Variants in PLXNC1 observed in about 807,000 individuals in gnomAD.
PLXNC1 encodes the protein plexin C1.
Under a neutral mutation model 178.2 loss-of-function variants are expected in PLXNC1, and 75 were observed. The ratio of observed to expected loss-of-function variants is 0.42; its 90% CI spans 0.35 to 0.51. The LOEUF (loss-of-function observed/expected upper bound fraction) is 0.51. Among genes scored for constraint, PLXNC1 ranks in the 20% least tolerant of loss-of-function variants. The pLI, the probability that PLXNC1 is intolerant of heterozygous loss-of-function variation, is 0.02. For synonymous variants in PLXNC1, 790 were observed against 779.9 expected (o/e 1.01, Z -0.22); for missense variants, 1,503 against 1,984.4 (o/e 0.76, Z 4.61).
At chr12:94,157,850 G>GT (rs1325532136) in intron 1 of PLXNC1, among the ~76,000 whole-genome samples, 2 of 152,174 alleles carry the variant, frequency 1.3e-5, no homozygotes, top group African/African-American at 4.8e-5. Flanking sequence ...ACACAGCCAT[G>GT]GACAATACAT....
chr12:94,187,934 G>C (rs1030847125), intron 4 of PLXNC1, among the ~76,000 whole-genome samples: 2 of 152,026 alleles, frequency 1.3e-5, no homozygotes, highest in East Asian at 3.9e-4. Context: ...GGGCCTTGAG[G>C]GGCTGTGGTG....
chr12:94,155,573 G>A (rs1961136713), intron 1 of PLXNC1, among the ~76,000 whole-genome samples: 1 of 152,128 alleles, frequency 6.6e-6, no homozygotes, highest in Non-Finnish European at 1.5e-5. Context: ...TTTACCACCT[G>A]ATATTCCTTA....
Position 94,306,950 on chromosome 12 carries a change from A to G in PLXNC1, c.*1665A>G, listed in dbSNP as rs1323740447. The G allele has an allele frequency of 6.6e-6, 1 of 152,204 alleles. No homozygotes were observed. Among genetic ancestry groups the G allele is most frequent in the Admixed American group, 6.6e-5 (1 of 15,266 alleles). The allele number at this position is 152,204 out of a possible 1,614,324, so 9.4% of individuals were successfully genotyped here. A position where few individuals can be genotyped will look rare whatever the true frequency, so the allele number is the denominator to read the frequency against. On this transcript the variant is annotated 3_prime_UTR_variant, in exon 31 of 31. Transcript: ENST00000258526. ...AAGGTGAGAGGTCTGGTCCCCATTG[A>G]AGGCTGCTACAGTCTTCAAAGAGGT...
intron 5 of PLXNC1, among the ~76,000 whole-genome samples, chr12:94,215,008 T>C (rs755337281): frequency 4.6e-5 from 7 of 152,122 alleles, no homozygotes; most frequent in Non-Finnish European, 5.9e-5. Flanking sequence ...GCGATTCTCC[T>C]GCCTCAGCCT....
At chr12:94,174,514 A>C (rs971151021) in intron 2 of PLXNC1, among the ~76,000 whole-genome samples, 1 of 152,200 alleles carries the variant, frequency 6.6e-6, no homozygotes, top group African/African-American at 2.4e-5. Flanking sequence ...TCACAGCAAA[A>C]TTAAACCGGT....
intron 12 of PLXNC1, among the ~76,000 whole-genome samples, chr12:94,246,566 AAG>A (rs1157507228): frequency 6.6e-6 from 1 of 152,208 alleles, no homozygotes; most frequent in Non-Finnish European, 1.5e-5. Context: ...ACCAGTGAAA[AAG>A]AGTAAATCGC....
intron 23 of PLXNC1, among the ~76,000 whole-genome samples, chr12:94,292,214 T>C (rs1353039670): frequency 2.6e-5 from 4 of 152,204 alleles, no homozygotes; most frequent in Non-Finnish European, 5.9e-5. Flanking sequence ...TATGATTCTA[T>C]TTATATGATA....
chr12:94,172,701 G>T (rs539542064), intron 2 of PLXNC1, among the ~76,000 whole-genome samples: 1 of 152,072 alleles, frequency 6.6e-6, no homozygotes, highest in East Asian at 1.9e-4. Context: ...TTTGTAAAAA[G>T]TATTTTTAAA....
At chr12:94,289,046 C>T (rs1015856072) in intron 23 of PLXNC1, among the ~76,000 whole-genome samples, 2 of 152,072 alleles carry the variant, frequency 1.3e-5, no homozygotes, top group African/African-American at 4.8e-5. Context: ...ACCATTTTTA[C>T]CTACAAAAGT....
chr12:94,267,383 C>G (rs1177842266), intron 21 of PLXNC1, among the ~76,000 whole-genome samples: 1 of 152,122 alleles, frequency 6.6e-6, no homozygotes, highest in Non-Finnish European at 1.5e-5. Flanking sequence ...CAATTAAGAC[C>G]ATGTGTTTCT....
chr12:94,184,667 C>T (rs537540760), intron 3 of PLXNC1, among the ~76,000 whole-genome samples: 1 of 152,296 alleles, frequency 6.6e-6, no homozygotes, highest in South Asian at 2.1e-4. Flanking sequence ...TCCACCTCAG[C>T]CTCCCAAAGT....
intron 21 of PLXNC1, 120 bp from the exon 22 acceptor site, chr12:94,279,352 G>A (rs1592895649): frequency 1.4e-6 from 1 of 716,546 alleles, no homozygotes; most frequent in East Asian, 2.7e-5. Context: ...ATGCAATACA[G>A]TGTTTGCTAA....
chr12:94,175,150 C>T (rs896621709), intron 2 of PLXNC1, among the ~76,000 whole-genome samples: 2 of 152,104 alleles, frequency 1.3e-5, no homozygotes, highest in African/African-American at 4.8e-5. Context: ...TATATGTATG[C>T]AGGCATGCAC....
At position 94,279,545 on chromosome 12, in the gene PLXNC1, T is replaced by A. The variant is rs1386245537; in HGVS notation, c.3671T>A (p.Val1224Asp). Residue 1224 changes from valine (V) to aspartate (D), a missense_variant, in exon 22 of 31, where the codon GTT becomes GAT. Val to Asp is a radical substitution (Grantham distance 152). Coordinates refer to ENST00000258526, the MANE Select transcript of PLXNC1 (RefSeq NM_005761.3). ...GTCTGTCGGAATATTTCAGTCAATG[T>A]TCTCGACTGTGACACCATTGGCCAA... is the stretch of plus-strand genomic sequence containing the variant. ...ADVCRNISVN[V>D]LDCDTIGQAK... The A allele has an allele frequency of 6.2e-7, 1 of 1,614,108 alleles. No individual in the cohort carries two copies. Among genetic ancestry groups the A allele is most frequent in the Admixed American group, 1.7e-5 (1 of 60,028 alleles).
Position 94,149,686 on chromosome 12 carries a change from C to T in PLXNC1, c.715C>T (p.Leu239Phe). ...AGSLHFVDAF[L>F]WNGSIYFPYY... Reference sequence around the variant, plus strand: ...CAGCCTGCACTTCGTGGACGCCTTTCTCTGGAACGGCAGCATCTACTTCCC... The same window carrying T: ...CAGCCTGCACTTCGTGGACGCCTTTTTCTGGAACGGCAGCATCTACTTCCC... Residue 239 changes from leucine (L) to phenylalanine (F), a missense_variant, in exon 1 of 31, where the codon CTC becomes TTC. Leu to Phe is a conservative substitution (Grantham distance 22, BLOSUM62 0). Around this residue, in one of 4 missense-constraint regions of PLXNC1, gnomAD observed 615 missense variants for 698.6 expected, o/e 0.88. Transcript: ENST00000258526. 6.2e-7 allele frequency: 1 copy of T among 1,611,250 alleles called. No individual in the cohort carries two copies. Among genetic ancestry groups the T allele is most frequent in the Non-Finnish European group, 8.5e-7 (1 of 1,178,904 alleles).
chr12:94,288,688 G>C (rs1966949073), intron 23 of PLXNC1, among the ~76,000 whole-genome samples: 1 of 152,218 alleles, frequency 6.6e-6, no homozygotes, highest in Non-Finnish European at 1.5e-5. Flanking sequence ...CTCAAGCCCT[G>C]AGAAACAAGA....
intron 24 of PLXNC1, among the ~76,000 whole-genome samples, chr12:94,295,979 C>T (rs1222126786): frequency 6.6e-6 from 1 of 152,180 alleles, no homozygotes; most frequent in Non-Finnish European, 1.5e-5. Flanking sequence ...CTGCCTTCTT[C>T]CTTGATGCTT....
intron 24 of PLXNC1, among the ~76,000 whole-genome samples, chr12:94,295,899 C>T (rs183834532): frequency 7.9e-5 from 12 of 152,332 alleles, no homozygotes; most frequent in African/African-American, 2.9e-4. Context: ...CTTCACCCTG[C>T]ACTCTTTACA....
At chr12:94,271,406 C>T (rs7970004) in intron 21 of PLXNC1, among the ~76,000 whole-genome samples, 29,860 of 152,158 alleles carry the variant, frequency 0.2, 3,357 homozygotes, top group African/African-American at 0.31. Flanking sequence ...ATCCTGCCAG[C>T]CCCCTGCAGC....
Sources: allele counts gnomAD v4.1 joint callset (sites outside exome capture counted in the v4.1 genomes callset), GRCh38; gene constraint gnomAD v4.1.1; regional missense constraint gnomAD v4.1.1; transcripts MANE v1.5; gene names NCBI Gene and HGNC (gene_info 2026-07-23, HGNC 2026-07-21).